CLEC5A: variants seen among roughly 807,000 people sequenced by gnomAD.
CLEC5A encodes C-type lectin domain family 5 member A.
A neutral mutation model predicts 24.4 loss-of-function variants in CLEC5A; 15 were observed. The observed-to-expected ratio is 0.62, with a 90% CI of 0.41 to 0.95. The LOEUF is 0.95. Among genes scored for constraint, CLEC5A ranks in the 40% least tolerant of loss-of-function variants. The probability of loss-of-function intolerance (pLI) is 0.00; values close to 1 mark genes in which losing one functional copy is unlikely to be tolerated. For synonymous variants in CLEC5A, 71 were observed against 72.6 expected, an observed-to-expected ratio of 0.98 and a Z score of 0.11; for missense variants, 211 against 224.0, an observed-to-expected ratio of 0.94 and a Z score of 0.37.
intron 5 of CLEC5A, among the ~76,000 whole-genome samples, chr7:141,934,504 C>T (rs916345050): frequency 1.3e-5 from 2 of 150,354 alleles, no homozygotes; most frequent in East Asian, 2.0e-4. Flanking sequence ...CTTGAAACAT[C>T]GAAGTGGAAT....
In CLEC5A at chr7:141,930,102, G is replaced by A. The variant is rs1554440088; in HGVS notation, c.*2C>T. 6.2e-7 allele frequency: 1 copy of A among 1,609,528 alleles called. No individual in the cohort carries two copies. Among genetic ancestry groups the A allele is most frequent in the East Asian group, 2.2e-5 (1 of 44,838 alleles). ...TATAGTTCTTGTCACAGGGAACTGT[G>A]ATCATTTGGCATTCTTCTCACAGAT... On this transcript the variant is annotated 3_prime_UTR_variant, in exon 7 of 7. Transcript: ENST00000546910.
intron 1 of CLEC5A, 116 bp from the exon 2 acceptor site, chr7:141,946,428 C>T: frequency 1.1e-6 from 1 of 885,778 alleles, no homozygotes; most frequent in South Asian, 1.7e-5. Context: ...GGAAGACAGG[C>T]ATGACATTGA....
chr7:141,935,019 C>G (rs1554440890), intron 5 of CLEC5A, among the ~76,000 whole-genome samples: 1 of 152,084 alleles, frequency 6.6e-6, no homozygotes, highest in African/African-American at 2.4e-5. Flanking sequence ...GACATTTTCC[C>G]TTGCTACCTG....
At chr7:141,936,199 A>C (rs1283344466) in intron 4 of CLEC5A, 1 of 489,816 alleles carries the variant, frequency 2.0e-6, no homozygotes, top group Admixed American at 3.5e-5. Context: ...AGGAACACCA[A>C]ATTTGACAAC....
In CLEC5A at chr7:141,945,352, C is replaced by G; in HGVS notation, c.128G>C (p.Ser43Thr). ...ACCATGCAGATTACCTGTTCCATAG[C>G]TCCTGGTGGTGGTGAAACCATCGTT... ...KSNDGFTTTR[S>T]YGTVSQIFGS... The change falls in exon 3 of 7, where the codon AGC becomes ACC. Residue 43 changes from serine to threonine, a missense_variant. Ser to Thr is a moderately conservative substitution (Grantham distance 58). Transcript: ENST00000546910. The G allele has an allele frequency of 6.2e-7, 1 of 1,611,288 alleles. No homozygotes were observed. The highest frequency in any genetic ancestry group is 2.2e-5 in the East Asian group (1 of 44,852).
intron 4 of CLEC5A, among the ~76,000 whole-genome samples, chr7:141,942,100 C>T (rs1014295353): frequency 6.6e-6 from 1 of 152,026 alleles, no homozygotes; most frequent in Non-Finnish European, 1.5e-5. Context: ...CATGGAACCA[C>T]AGAAGACCCA....
At chr7:141,941,029 A>G (rs1802781220) in intron 4 of CLEC5A, among the ~76,000 whole-genome samples, 1 of 152,158 alleles carries the variant, frequency 6.6e-6, no homozygotes. Flanking sequence ...AATCCTACTC[A>G]AACTGTTCTG....
Position 141,927,936 on chromosome 7 carries a change from T to C in CLEC5A, c.*2168A>G, listed in dbSNP as rs1223270364. ...TGCAATAATTTTTTGAGATAGGTAT[T>C]ACTACCCCATTTTATCAGTAAGGAA... On this transcript the variant is annotated 3_prime_UTR_variant, in exon 7 of 7. Transcript: ENST00000546910. 6.6e-6 allele frequency: 1 copy of C among 152,204 alleles called. No individual in the cohort carries two copies. The highest frequency in any genetic ancestry group is 1.5e-5 in the Non-Finnish European group (1 of 68,034). The allele number at this position is 152,204 out of a possible 1,614,324, so 9.4% of individuals were successfully genotyped here.
Position 141,946,273 on chromosome 7 carries a change from A to T in CLEC5A, c.20T>A (p.Ile7Asn). The stretch of plus-strand genomic sequence containing the variant: ...AAGCACTACCACAATAAGCCCAGAG[A>T]TGATCATGTGCCAGTTCATGATGAA... MNWHMI[I>N]SGLIVVVLKV... The change falls in exon 2 of 7, where the codon ATC becomes AAC. Residue 7 changes from isoleucine (I) to asparagine (N), a missense_variant. Ile to Asn is a moderately radical substitution (Grantham distance 149, BLOSUM62 -3). Transcript: ENST00000546910. The T allele has an allele frequency of 6.4e-7, 1 of 1,571,556 alleles. No homozygotes were observed. Among genetic ancestry groups the T allele is most frequent in the Non-Finnish European group, 8.6e-7 (1 of 1,157,182 alleles).
intron 4 of CLEC5A, among the ~76,000 whole-genome samples, chr7:141,941,019 A>T (rs1802780903): frequency 6.6e-6 from 1 of 152,170 alleles, no homozygotes; most frequent in Admixed American, 6.5e-5. Flanking sequence ...AACTAATACC[A>T]ATCCTACTCA....
chr7:141,940,251 T>G (rs1431613072), intron 4 of CLEC5A, among the ~76,000 whole-genome samples: 1 of 151,958 alleles, frequency 6.6e-6, no homozygotes, highest in African/African-American at 2.4e-5. Context: ...CTGACCACAA[T>G]GGAATTAAAT....
At chr7:141,943,271 C>T (rs1295539274) in intron 4 of CLEC5A, among the ~76,000 whole-genome samples, 3 of 152,118 alleles carry the variant, frequency 2.0e-5, no homozygotes, top group African/African-American at 7.2e-5. Context: ...TCATTTGCAA[C>T]AACATGAATG....
At chr7:141,946,469 G>A (rs782770195) in intron 1 of CLEC5A, among the ~76,000 whole-genome samples, 157 bp from the exon 2 acceptor site, 5 of 152,130 alleles carry the variant, frequency 3.3e-5, no homozygotes, top group African/African-American at 1.2e-4. Flanking sequence ...AGCGTGGGCC[G>A]CGAACACAGA....
At chr7:141,931,521 C>T in intron 6 of CLEC5A, 199 bp downstream of exon 6, 1 of 545,806 alleles carries the variant, frequency 1.8e-6, no homozygotes, top group Admixed American at 3.4e-5. Context: ...CTTCTTTCTC[C>T]TTATGAAAGT....
At chr7:141,931,627 C>T (rs572834285) in intron 6 of CLEC5A, 93 bp downstream of exon 6, 87 of 759,630 alleles carry the variant, frequency 1.1e-4, no homozygotes, top group East Asian at 7.6e-4. Flanking sequence ...CAAGTGTCAG[C>T]GTTTGAGCTA....
intron 5 of CLEC5A, among the ~76,000 whole-genome samples, chr7:141,933,661 C>T (rs895044541): frequency 1.4e-5 from 2 of 146,656 alleles, no homozygotes; most frequent in Admixed American, 6.8e-5. Context: ...TAGCTCAGAG[C>T]CACTATTGTT....
intron 4 of CLEC5A, among the ~76,000 whole-genome samples, chr7:141,942,208 C>T (rs373663337): frequency 2.8e-4 from 43 of 152,104 alleles, no homozygotes; most frequent in African/African-American, 9.6e-4. Flanking sequence ...TACCAAAATG[C>T]CATGGTACTG....
chr7:141,940,538 C>A (rs868951794), intron 4 of CLEC5A, among the ~76,000 whole-genome samples: 1 of 151,242 alleles, frequency 6.6e-6, no homozygotes, highest in African/African-American at 2.4e-5. Flanking sequence ...AAAGCAAGCA[C>A]AAATTAAACC....
intron 4 of CLEC5A, among the ~76,000 whole-genome samples, chr7:141,939,297 T>G (rs1478225293): frequency 2.0e-5 from 3 of 152,144 alleles, no homozygotes; most frequent in African/African-American, 7.2e-5. Context: ...AATGTAGAGT[T>G]TTTATTAGTT....
Sources: gnomAD v4.1 joint callset for allele counts (sites outside exome capture counted in the v4.1 genomes callset) on GRCh38, gnomAD v4.1.1 for gene constraint, MANE v1.5 for transcripts, NCBI Gene and HGNC (gene_info 2026-07-23, HGNC 2026-07-21) for gene names.